The following VPS29 variants were observed in gnomAD, a reference collection of about 807,000 sequenced individuals.
The protein encoded by VPS29 is vacuolar protein sorting-associated protein 29.
VPS29 carries 2 observed loss-of-function variants against 20.0 expected under a neutral mutation model. That is an observed-to-expected ratio of 0.10 (90% confidence interval 0.04 to 0.31). VPS29 has a LOEUF of 0.31. Ranked by LOEUF, VPS29 falls within the 10% of genes least tolerant of loss-of-function variation. The pLI, the probability that VPS29 is intolerant of heterozygous loss-of-function variation, is 1.00. For synonymous variants in VPS29, 81 were observed against 79.3 expected (o/e 1.02, Z -0.12); for missense variants, 120 against 215.3 (o/e 0.56, Z 2.77).
chr12:110,494,721 CCTTA>C (rs937276874), intron 2 of VPS29, among the ~76,000 whole-genome samples: 2 of 151,432 alleles, frequency 1.3e-5, no homozygotes, highest in Non-Finnish European at 2.9e-5. Context: ...CTCCAGAACT[CCTTA>C]CTTTTTCTTT....
intron 1 of VPS29, chr12:110,501,579 GGGTACGAAA>G: frequency 6.5e-7 from 1 of 1,535,202 alleles, no homozygotes. Context: ...AAAGTTAAAC[GGGTACGAAA>G]TTCTGCTCGC....
At chr12:110,494,506 G>A (rs972377044) in intron 2 of VPS29, among the ~76,000 whole-genome samples, 5 of 151,628 alleles carry the variant, frequency 3.3e-5, no homozygotes, top group African/African-American at 9.7e-5. Flanking sequence ...CACCTGCCTC[G>A]GCCTCCCAAA....
intron 1 of VPS29, among the ~76,000 whole-genome samples, chr12:110,500,555 C>T (rs1357549396): frequency 6.6e-6 from 1 of 152,148 alleles, no homozygotes; most frequent in Non-Finnish European, 1.5e-5. Context: ...TCTCTGGCTG[C>T]CATGTCTGTA....
chr12:110,491,393 TA>T lies in VPS29; in HGVS notation c.*611del, dbSNP rs1224263135. 2.0e-5 allele frequency: 3 copies of T among 152,394 alleles called. No individual in the cohort carries two copies. In the East Asian group the frequency reaches 5.8e-4, roughly 29 times the overall value. 9.4% of individuals were successfully genotyped at this position (152,394 alleles called of 1,614,324 possible). On this transcript the variant is annotated 3_prime_UTR_variant, in exon 4 of 4. Transcript: ENST00000549578. Reference sequence around the variant, plus strand: ...TGCCCGGCCCCTAAACTTGTATTTTTAAAACTTTTATTAAACCTTGAAAAAT... The same window carrying T: ...TGCCCGGCCCCTAAACTTGTATTTTTAAACTTTTATTAAACCTTGAAAAAT...
At chr12:110,501,773 C>T (rs1239194806) in intron 1 of VPS29, 2 of 1,072,840 alleles carry the variant, frequency 1.9e-6, no homozygotes, top group Non-Finnish European at 2.8e-6. Flanking sequence ...GTGCGTGTCT[C>T]GTGACAGGTC....
chr12:110,499,614 G>T, intron 1 of VPS29: 24 of 1,134,610 alleles, frequency 2.1e-5, no homozygotes, highest in Non-Finnish European at 2.7e-5. Flanking sequence ...CATGACCAAT[G>T]TTAAAAGAAA....
At chr12:110,500,827 G>T (rs150551859) in intron 1 of VPS29, among the ~76,000 whole-genome samples, 132 of 152,074 alleles carry the variant, frequency 8.7e-4, no homozygotes, top group African/African-American at 2.4e-3. Flanking sequence ...AGGGTGGAAG[G>T]GGACCCGAGT....
At chr12:110,492,881 A>C (rs146963972) in intron 3 of VPS29, 115 bp downstream of exon 3, 2 of 923,842 alleles carry the variant, frequency 2.2e-6, no homozygotes, top group African/African-American at 1.7e-5. Flanking sequence ...TGGTCTCCCG[A>C]AGTGCTGGTA....
chr12:110,501,586 A>G, intron 1 of VPS29: 1 of 1,535,236 alleles, frequency 6.5e-7, no homozygotes, highest in African/African-American at 1.4e-5. Context: ...AACGGGTACG[A>G]AATTCTGCTC....
intron 1 of VPS29, chr12:110,498,884 T>C: frequency 2.1e-6 from 2 of 968,396 alleles, no homozygotes; most frequent in Non-Finnish European, 2.5e-6. Context: ...AGTACATAGT[T>C]AGTATGGGAA....
chr12:110,492,773 C>G (rs1018910567), intron 3 of VPS29: 3 of 432,486 alleles, frequency 6.9e-6, no homozygotes, highest in African/African-American at 6.1e-5. Flanking sequence ...AGGCATGCAC[C>G]ACCACACCCA....
At chr12:110,499,782 GAC>G (rs1381954879) in intron 1 of VPS29, among the ~76,000 whole-genome samples, 1 of 152,118 alleles carries the variant, frequency 6.6e-6, no homozygotes. Flanking sequence ...TTTTGAACAT[GAC>G]ACACACACTT....
At chr12:110,494,048 G>A (rs2062859901) in intron 2 of VPS29, among the ~76,000 whole-genome samples, 1 of 152,042 alleles carries the variant, frequency 6.6e-6, no homozygotes, top group Non-Finnish European at 1.5e-5. Context: ...CTTTATGGAT[G>A]ATGAAACAGG....
In VPS29 at chr12:110,495,935, C is replaced by G. The variant is rs1030320718; in HGVS notation, c.195+77G>C. On this transcript the variant is annotated intron_variant, in intron 2 of 3. Transcript: ENST00000549578. Reference sequence around the variant, plus strand: ...AAAAAACCTTACCAGTTGAGAAACCCTGGTCTAAAGATAAAGCTTATGTAA... The same window carrying G: ...AAAAAACCTTACCAGTTGAGAAACCGTGGTCTAAAGATAAAGCTTATGTAA... The G allele has an allele frequency of 3.7e-6, 5 of 1,340,444 alleles. No homozygotes were observed. The Admixed American group carries it at 1.2e-4, about 33-fold the overall frequency. The allele number at this position is 1,340,444 out of a possible 1,614,324, so 83.0% of individuals were successfully genotyped here. A position where few individuals can be genotyped will look rare whatever the true frequency, so the allele number is the denominator to read the frequency against.
chr12:110,495,900 G>C (rs1285158264), intron 2 of VPS29, 112 bp downstream of exon 2: 8 of 1,016,476 alleles, frequency 7.9e-6, no homozygotes, highest in Non-Finnish European at 9.5e-6. Context: ...AAAAGAAAAA[G>C]GGAAAAAAAA....
Position 110,491,949 on chromosome 12 carries a change from C to T in VPS29, c.*56G>A, listed in dbSNP as rs1053387224. On this transcript the variant is annotated 3_prime_UTR_variant, in exon 4 of 4. Coordinates refer to ENST00000549578, the MANE Select transcript of VPS29 (RefSeq NM_016226.5). Reference sequence around the variant, plus strand: ...TTTGTGGCTCTTAAATGTTTAATTACTTGATTTCAACAGGACAATGAAAAA... The same window carrying T: ...TTTGTGGCTCTTAAATGTTTAATTATTTGATTTCAACAGGACAATGAAAAA... 1.6e-5 allele frequency: 21 copies of T among 1,289,918 alleles called. No individual in the cohort carries two copies. Among genetic ancestry groups the T allele is most frequent in the Non-Finnish European group, 2.3e-5 (21 of 899,890 alleles). 79.9% of individuals were successfully genotyped at this position (1,289,918 alleles called of 1,614,324 possible).
At chr12:110,493,399 G>A (rs1297805609) in intron 2 of VPS29, among the ~76,000 whole-genome samples, 168 bp from the exon 3 acceptor site, 1 of 140,944 alleles carries the variant, frequency 7.1e-6, no homozygotes, top group East Asian at 2.0e-4. Flanking sequence ...TTGCTATGTT[G>A]CCCAGGCTGG....
At chr12:110,494,225 T>C (rs1232211542) in intron 2 of VPS29, among the ~76,000 whole-genome samples, 3 of 151,832 alleles carry the variant, frequency 2.0e-5, no homozygotes, top group Non-Finnish European at 2.9e-5. Flanking sequence ...GAAAATCTTA[T>C]ATTCCCAGAA....
intron 3 of VPS29, among the ~76,000 whole-genome samples, chr12:110,492,431 G>A (rs534238159): frequency 6.6e-6 from 1 of 152,012 alleles, no homozygotes; most frequent in East Asian, 1.9e-4. Context: ...TTAGCCAGGC[G>A]TGGTGGCGGG....
Sources: allele counts gnomAD v4.1 joint callset (sites outside exome capture counted in the v4.1 genomes callset), GRCh38; gene constraint gnomAD v4.1.1; transcripts MANE v1.5; gene names NCBI Gene and HGNC (gene_info 2026-07-23, HGNC 2026-07-21).